The following VANGL1 variants were observed in gnomAD, a reference collection of about 807,000 sequenced individuals.
VANGL1 encodes VANGL planar cell polarity protein 1, also known as vang-like protein 1.
Under a neutral mutation model 48.4 loss-of-function variants are expected in VANGL1, and 18 were observed. The ratio of observed to expected loss-of-function variants is 0.37; its 90% CI spans 0.26 to 0.55. VANGL1 has a LOEUF of 0.55. VANGL1 is among the 20% of genes least tolerant of loss of function. The pLI is 0.81. For missense variants in VANGL1, 667 were observed against 675.8 expected (o/e 0.99, Z 0.14); for synonymous variants, 257 against 261.8 (o/e 0.98, Z 0.18).
intron 4 of VANGL1, among the ~76,000 whole-genome samples, chr1:115,673,289 G>A (rs1353399187): frequency 1.3e-5 from 2 of 152,154 alleles, no homozygotes; most frequent in Non-Finnish European, 2.9e-5. Flanking sequence ...CCGCTTACCT[G>A]CCTCCACCCT....
intron 1 of VANGL1, chr1:115,642,713 G>A (rs944982520): frequency 2.0e-5 from 3 of 152,066 alleles, no homozygotes; most frequent in African/African-American, 7.2e-5. Flanking sequence ...GCAGGTAGGA[G>A]TTTACTTTCA....
At chr1:115,652,016 T>C (rs1327175084) in intron 2 of VANGL1, among the ~76,000 whole-genome samples, 1 of 152,226 alleles carries the variant, frequency 6.6e-6, no homozygotes, top group African/African-American at 2.4e-5. Context: ...TTTCTAGGTA[T>C]TTCTTATAGG....
intron 4 of VANGL1, among the ~76,000 whole-genome samples, chr1:115,681,141 G>A (rs558337459): frequency 1.2e-4 from 18 of 152,226 alleles, no homozygotes; most frequent in African/African-American, 2.2e-4. Context: ...TTCTTACCTC[G>A]AATGATTGTG....
At chr1:115,646,751 C>T (rs140897102) in intron 1 of VANGL1, among the ~76,000 whole-genome samples, 120 of 152,132 alleles carry the variant, frequency 7.9e-4, no homozygotes, top group African/African-American at 2.7e-3. Context: ...GAGCTTACAG[C>T]CTGTGAAGAA....
intron 2 of VANGL1, among the ~76,000 whole-genome samples, chr1:115,656,797 C>T (rs1376363431): frequency 1.3e-5 from 2 of 152,140 alleles, no homozygotes; most frequent in Non-Finnish European, 2.9e-5. Flanking sequence ...TGCTTTCTGC[C>T]CTGGTAGGGT....
In VANGL1 at chr1:115,679,524, G is replaced by A. The variant is rs184605091; in HGVS notation, c.813-2840G>A. ...GCCCCGTGCTGGAAGGCGGTGGGCCGGGAGCCCTGCTGGAGACAGAAGCCA... is the reference window on the plus strand; with the variant it reads ...GCCCCGTGCTGGAAGGCGGTGGGCCAGGAGCCCTGCTGGAGACAGAAGCCA... On this transcript the variant is annotated intron_variant, in intron 4 of 7. Transcript: ENST00000355485. Among the ~76,000 whole-genome samples, 8 of 152,302 alleles carry A rather than the reference G, an allele frequency of 5.3e-5. No individual in the cohort carries two copies. The East Asian group carries it at 1.4e-3, about 26-fold the overall frequency.
chr1:115,667,229 T>C (rs1652827096), intron 4 of VANGL1, among the ~76,000 whole-genome samples: 1 of 152,236 alleles, frequency 6.6e-6, no homozygotes, highest in Non-Finnish European at 1.5e-5. Context: ...TTGACTGAGC[T>C]ATTTTTGAGA....
intron 6 of VANGL1, among the ~76,000 whole-genome samples, chr1:115,685,062 T>C (rs1288768812): frequency 6.6e-6 from 1 of 152,174 alleles, no homozygotes. Flanking sequence ...GTCCTGGGGC[T>C]CCTTTCCCCC....
At chr1:115,654,630 G>A (rs1452642061) in intron 2 of VANGL1, among the ~76,000 whole-genome samples, 3 of 151,874 alleles carry the variant, frequency 2.0e-5, no homozygotes, top group South Asian at 2.1e-4. Context: ...GTTTGTGACT[G>A]TCTCAGGAGC....
At chr1:115,687,941 GATA>G (rs1557777145) in intron 7 of VANGL1, among the ~76,000 whole-genome samples, 2,594 of 74,340 alleles carry the variant, frequency 0.035, 509 homozygotes, top group African/African-American at 0.087. Context: ...TCATTAGGTA[GATA>G]GATAGATAGA....
In VANGL1 at chr1:115,698,124, C is replaced by T. The variant is rs909405218; in HGVS notation, c.*6745C>T. 1 of 148,804 alleles carries T rather than the reference C, an allele frequency of 6.7e-6. No homozygotes were observed. Among genetic ancestry groups the T allele is most frequent in the Non-Finnish European group, 1.5e-5 (1 of 67,362 alleles). 9.2% of individuals were successfully genotyped at this position (148,804 alleles called of 1,614,324 possible). A position where few individuals can be genotyped will look rare whatever the true frequency, so the allele number is the denominator to read the frequency against. On this transcript the variant is annotated 3_prime_UTR_variant, in exon 8 of 8. Transcript: ENST00000355485. ...AAGTTATTTTGTTCCTTTTTGGGTC[C>T]TCCAGTATAATCCCCCCCTCATCCC...
In VANGL1 at chr1:115,693,250, A is replaced by G. The variant is rs1653912605; in HGVS notation, c.*1871A>G. Reference sequence around the variant, plus strand: ...TCCCTTCAAACTGGAAGTTCCTTACAATATCTTTCTCAGGAAATATTTTGG... The same window carrying G: ...TCCCTTCAAACTGGAAGTTCCTTACGATATCTTTCTCAGGAAATATTTTGG... On this transcript the variant is annotated 3_prime_UTR_variant, in exon 8 of 8. Transcript: ENST00000355485. The G allele has an allele frequency of 6.6e-6, 1 of 152,664 alleles. No individual in the cohort carries two copies. The allele number at this position is 152,664 out of a possible 1,614,324, so 9.5% of individuals were successfully genotyped here. A position where few individuals can be genotyped will look rare whatever the true frequency, so the allele number is the denominator to read the frequency against.
chr1:115,662,600 T>C (rs1211424672), intron 3 of VANGL1, among the ~76,000 whole-genome samples: 5 of 152,218 alleles, frequency 3.3e-5, no homozygotes, highest in African/African-American at 1.2e-4. Context: ...AACATTTTAA[T>C]AATCCTGGTT....
In VANGL1 at chr1:115,682,447, A is replaced by T. The variant is rs142348368; in HGVS notation, c.896A>T (p.Lys299Ile). ...IYNPNLLTAS[K>I]FRAAKHMAGL... ...AACCCAAACCTCCTAACAGCCTCCAAATTCCGAGCAGCCAAGCATATGGCC... is the reference window on the plus strand; with the variant it reads ...AACCCAAACCTCCTAACAGCCTCCATATTCCGAGCAGCCAAGCATATGGCC... The change falls in exon 5 of 8, where the codon AAA becomes ATA. Residue 299 changes from lysine (K) to isoleucine (I), a missense_variant. Lys to Ile is a moderately radical substitution (Grantham distance 102, BLOSUM62 -3). Coordinates refer to ENST00000355485, the MANE Select transcript of VANGL1 (RefSeq NM_138959.3). The T allele has an allele frequency of 6.2e-6, 10 of 1,614,074 alleles. No homozygotes were observed. Among genetic ancestry groups the T allele is most frequent in the Non-Finnish European group, 8.5e-6 (10 of 1,180,048 alleles).
At chr1:115,642,539 G>C (rs375978264) in intron 1 of VANGL1, 1 of 152,212 alleles carries the variant, frequency 6.6e-6, no homozygotes, top group Non-Finnish European at 1.5e-5. Context: ...AGCCGGGCGC[G>C]CACCGGGGTT....
At chr1:115,649,781 C>CT (rs1310256427) in intron 1 of VANGL1, among the ~76,000 whole-genome samples, 6 of 152,208 alleles carry the variant, frequency 3.9e-5, no homozygotes, top group Non-Finnish European at 2.9e-5. Flanking sequence ...ATTTTCAGAT[C>CT]TACCTGTGAG....
intron 3 of VANGL1, among the ~76,000 whole-genome samples, chr1:115,660,190 C>T (rs6658884): frequency 0.11 from 17,319 of 152,206 alleles, 1,196 homozygotes; most frequent in South Asian, 0.32. Flanking sequence ...GCCGCACGCT[C>T]AGATGCCTGG....
intron 4 of VANGL1, among the ~76,000 whole-genome samples, chr1:115,678,388 C>T (rs10923161): frequency 0.65 from 98,196 of 152,074 alleles, 32,017 homozygotes; most frequent in South Asian, 0.75. Context: ...CCTGGCCTCC[C>T]GGGGCTATGA....
chr1:115,687,020 A>T (rs899716154), intron 7 of VANGL1, among the ~76,000 whole-genome samples: 1 of 138,146 alleles, frequency 7.2e-6, no homozygotes, highest in African/African-American at 2.7e-5. Flanking sequence ...TTTTATAAGG[A>T]CTTCTGTTTA....
Sources: gnomAD v4.1 joint callset for allele counts (sites outside exome capture counted in the v4.1 genomes callset) on GRCh38, gnomAD v4.1.1 for gene constraint, MANE v1.5 for transcripts, NCBI Gene and HGNC (gene_info 2026-07-23, HGNC 2026-07-21) for gene names.